The following ANGEL2 variants were observed in gnomAD, a reference collection of about 807,000 sequenced individuals.
ANGEL2 encodes angel homolog 2.
In ANGEL2, 41 loss-of-function variants were observed where a neutral mutation model predicts 66.0. The ratio of observed to expected loss-of-function variants is 0.62; its 90% confidence interval spans 0.48 to 0.81. The LOEUF is 0.81. Ranked by LOEUF, ANGEL2 falls within the 30% of genes least tolerant of loss-of-function variation. The pLI is 0.00. For synonymous variants in ANGEL2, 208 were observed against 226.5 expected, an observed-to-expected ratio of 0.92 and a Z score of 0.73; for missense variants, 561 against 641.6, an observed-to-expected ratio of 0.87 and a Z score of 1.36.
rs564417199 is a variant in ANGEL2, at chr1:212,993,446, T to G, written c.*1595A>C. ...ATCTGTTTGTTTTTTTAAAAATAAT[T>G]ATAGCAAATGCTTTAGTACAAAGAC... On this transcript the variant is annotated 3_prime_UTR_variant, in exon 9 of 9. Transcript: ENST00000366962. 2 of 152,348 alleles carry G rather than the reference T, an allele frequency of 1.3e-5. No homozygotes were observed. The highest frequency in any genetic ancestry group is 4.8e-5 in the African/African-American group (2 of 41,584). 9.4% of individuals were successfully genotyped at this position (152,348 alleles called of 1,614,324 possible).
intron 2 of ANGEL2, among the ~76,000 whole-genome samples, chr1:213,010,584 A>C (rs1475674444): frequency 1.3e-5 from 2 of 152,042 alleles, no homozygotes; most frequent in Non-Finnish European, 2.9e-5. Context: ...AAAAAAAAAA[A>C]AAAAGAACTG....
At chr1:213,000,478 G>C in intron 6 of ANGEL2, 95 bp from the exon 7 acceptor site, 5 of 1,112,058 alleles carry the variant, frequency 4.5e-6, no homozygotes, top group Non-Finnish European at 6.5e-6. Context: ...ACTTATCTAG[G>C]TTAGAAAGAT....
chr1:213,005,638 G>A (rs539197075), intron 4 of ANGEL2, among the ~76,000 whole-genome samples, 184 bp from the exon 5 acceptor site: 10 of 152,288 alleles, frequency 6.6e-5, no homozygotes, highest in African/African-American at 1.9e-4. Flanking sequence ...CTCTTTATGC[G>A]CAGACTTCAG....
intron 1 of ANGEL2, 69 bp downstream of exon 1, chr1:213,015,544 C>G (rs906708581): frequency 1.3e-6 from 2 of 1,591,232 alleles, no homozygotes. Context: ...GGGTTAGTCC[C>G]GGACGCCCGC....
rs1311428196 is a variant in ANGEL2 at position 212,996,380 on chromosome 1, C to T, written c.1483+775G>A. Among the ~76,000 whole-genome samples the T allele has an allele frequency of 3.3e-5, 5 of 151,496 alleles. No homozygotes were observed. The East Asian group carries it at 9.7e-4, about 29-fold the overall frequency. ...TGGCTCATGCCTGTAATCCAAGCCA[C>T]CCTGGGAGGCCGAGGTGGACGGCTT... On this transcript the variant is annotated intron_variant, in intron 8 of 8. Coordinates refer to ENST00000366962, the MANE Select transcript of ANGEL2 (RefSeq NM_144567.5).
intron 2 of ANGEL2, among the ~76,000 whole-genome samples, chr1:213,010,141 T>C (rs942853963): frequency 3.9e-5 from 6 of 151,998 alleles, no homozygotes; most frequent in South Asian, 2.1e-4. Flanking sequence ...GCCTATCCTA[T>C]GCCCAGGAAA....
At chr1:213,011,516 A>G in intron 2 of ANGEL2, 1 of 1,032,746 alleles carries the variant, frequency 9.7e-7, no homozygotes, top group Non-Finnish European at 1.2e-6. Context: ...CAGTAGGTAA[A>G]TGTAATTCCC....
chr1:213,012,272 A>T (rs2076528294), intron 2 of ANGEL2, among the ~76,000 whole-genome samples: 1 of 101,654 alleles, frequency 9.8e-6, no homozygotes, highest in Non-Finnish European at 2.0e-5. Context: ...AAACATTAAC[A>T]CCCACACATC....
intron 2 of ANGEL2, among the ~76,000 whole-genome samples, chr1:213,010,119 A>T (rs987372543): frequency 3.3e-5 from 5 of 152,048 alleles, no homozygotes; most frequent in Non-Finnish European, 4.4e-5. Flanking sequence ...ACTATGAAGA[A>T]TTTTGCCTAG....
chr1:213,015,822 C>G lies in ANGEL2; in HGVS notation c.-151G>C. 1.0e-6 allele frequency: 1 copy of G among 988,282 alleles called. No individual in the cohort carries two copies. Among genetic ancestry groups the G allele is most frequent in the Non-Finnish European group, 1.5e-6 (1 of 666,398 alleles). 61.2% of individuals were successfully genotyped at this position (988,282 alleles called of 1,614,324 possible). The stretch of plus-strand genomic sequence containing the variant: ...CAAGGCATGCTGGGAGGTGCAGTCT[C>G]GCCGGCCGGCCTACACTCCATCTTG... On this transcript the variant is annotated 5_prime_UTR_variant, in exon 1 of 9. Transcript: ENST00000366962.
At chr1:213,010,389 G>A (rs2076472347) in intron 2 of ANGEL2, among the ~76,000 whole-genome samples, 1 of 151,642 alleles carries the variant, frequency 6.6e-6, no homozygotes, top group Non-Finnish European at 1.5e-5. Flanking sequence ...GGCTAACACC[G>A]TGAAACCCCG....
chr1:213,002,213 C>T (rs754052212), intron 5 of ANGEL2: 6 of 152,190 alleles, frequency 3.9e-5, no homozygotes, highest in Non-Finnish European at 7.3e-5. Flanking sequence ...GAATGGATGC[C>T]GTGTTAGCAG....
Position 212,994,445 on chromosome 1 carries a change from C to G in ANGEL2, c.*596G>C, listed in dbSNP as rs893999801. 7.9e-5 allele frequency: 12 copies of G among 152,164 alleles called. No individual in the cohort carries two copies. Among genetic ancestry groups the G allele is most frequent in the African/African-American group, 2.4e-4 (10 of 41,398 alleles). The allele number at this position is 152,164 out of a possible 1,614,324, so 9.4% of individuals were successfully genotyped here. On this transcript the variant is annotated 3_prime_UTR_variant, in exon 9 of 9. Transcript: ENST00000366962. ...ATATTTCCCAAACATTTCCCCAACA[C>G]GATGCAGGCATATTACATGGCTCAG... is the stretch of plus-strand genomic sequence containing the variant.
At chr1:213,004,957 TG>T (rs1353777685) in intron 5 of ANGEL2, 75 bp downstream of exon 5, 2 of 1,199,164 alleles carry the variant, frequency 1.7e-6, no homozygotes, top group Non-Finnish European at 2.3e-6. Context: ...CAAATAGCCA[TG>T]TAATGACTAT....
rs1465502481 is a variant in ANGEL2, at chr1:213,008,197, A to G, written c.642+13T>C. ...TTCTTATGTGAAGAATTTCAATAAT[A>G]TTTTGCACTTACGTCTGCATCAAAA... On this transcript the variant is annotated intron_variant, in intron 3 of 8. Coordinates refer to ENST00000366962, the MANE Select transcript of ANGEL2 (RefSeq NM_144567.5). 6.2e-7 allele frequency: 1 copy of G among 1,607,410 alleles called. No individual in the cohort carries two copies. The highest frequency in any genetic ancestry group is 2.2e-5 in the East Asian group (1 of 44,774).
intron 4 of ANGEL2, 94 bp from the exon 5 acceptor site, chr1:213,005,548 CTG>C: frequency 7.8e-7 from 1 of 1,277,126 alleles, no homozygotes; most frequent in Non-Finnish European, 1.1e-6. Context: ...GTTTACCAAA[CTG>C]TATTCTGCAA....
intron 2 of ANGEL2, 115 bp from the exon 3 acceptor site, chr1:213,008,581 T>C: frequency 7.9e-7 from 1 of 1,262,730 alleles, no homozygotes; most frequent in Non-Finnish European, 1.1e-6. Context: ...GAATAGAATG[T>C]TTTTCCCTAG....
chr1:212,998,828 T>C (rs965760350), intron 7 of ANGEL2, among the ~76,000 whole-genome samples: 1 of 145,680 alleles, frequency 6.9e-6, no homozygotes, highest in African/African-American at 2.6e-5. Flanking sequence ...GCCCGGCCTC[T>C]TTTTTTCTTT....
chr1:213,005,488 T>C (rs754517812), intron 4 of ANGEL2, 34 bp from the exon 5 acceptor site: 12 of 1,522,316 alleles, frequency 7.9e-6, no homozygotes, highest in Non-Finnish European at 9.7e-6. Context: ...AACAAATGAC[T>C]GCTTTTATAT....
Sources: allele counts gnomAD v4.1 joint callset (sites outside exome capture counted in the v4.1 genomes callset), GRCh38; gene constraint gnomAD v4.1.1; transcripts MANE v1.5; gene names NCBI Gene and HGNC (gene_info 2026-07-23, HGNC 2026-07-21).